Variants in PPP1R42 observed in about 807,000 individuals in gnomAD.
PPP1R42 encodes the protein leucine rich repeat containing 67.
In PPP1R42, 34 loss-of-function variants were observed where a neutral mutation model predicts 31.0. That is an observed-to-expected ratio of 1.10 (90% CI 0.83 to 1.46). The LOEUF (loss-of-function observed/expected upper bound fraction) is 1.46, where lower values mean the gene tolerates loss of function less well. Among genes scored for constraint, PPP1R42 ranks in the 40% most tolerant of loss-of-function variants. The pLI, the probability that PPP1R42 is intolerant of heterozygous loss-of-function variation, is 0.00. For synonymous variants in PPP1R42, 103 were observed against 109.8 expected, an observed-to-expected ratio of 0.94 and a Z score of 0.39; for missense variants, 268 against 303.0, an observed-to-expected ratio of 0.88 and a Z score of 0.86.
chr8:66,974,410 C>T (rs977161194), intron 7 of PPP1R42, among the ~76,000 whole-genome samples: 2 of 151,882 alleles, frequency 1.3e-5, no homozygotes, highest in African/African-American at 4.8e-5. Context: ...CAAAATTAGC[C>T]GGGTGTGGTG....
intron 6 of PPP1R42, chr8:66,985,791 C>T: frequency 8.2e-7 from 1 of 1,223,518 alleles, no homozygotes; most frequent in South Asian, 1.2e-5. Context: ...TTGCTGCGTC[C>T]ATCATCTGTT....
intron 3 of PPP1R42, among the ~76,000 whole-genome samples, chr8:67,013,428 A>G (rs998459020): frequency 1.3e-5 from 2 of 151,916 alleles, no homozygotes; most frequent in Non-Finnish European, 2.9e-5. Flanking sequence ...AAAAATGAAG[A>G]TTTCACGGCT....
chr8:67,012,133 C>T (rs61559694), intron 4 of PPP1R42, among the ~76,000 whole-genome samples: 2,396 of 151,990 alleles, frequency 0.016, 57 homozygotes, highest in African/African-American at 0.053. Context: ...CTACTTGGGA[C>T]GCTGAGGCAG....
At chr8:66,984,705 T>C in intron 6 of PPP1R42, 1 of 1,594,678 alleles carries the variant, frequency 6.3e-7, no homozygotes, top group South Asian at 1.1e-5. Context: ...GCAATTTCTG[T>C]CTTTTTGCCA....
chr8:66,979,757 T>G (rs1814775962), intron 7 of PPP1R42, among the ~76,000 whole-genome samples: 1 of 152,136 alleles, frequency 6.6e-6, no homozygotes, highest in African/African-American at 2.4e-5. Context: ...AAAATGTCAT[T>G]GGTATTTTTA....
At chr8:67,005,080 T>C (rs1448601201) in intron 5 of PPP1R42, among the ~76,000 whole-genome samples, 3 of 151,926 alleles carry the variant, frequency 2.0e-5, no homozygotes, top group Admixed American at 6.6e-5. Context: ...TTTCAGTGTT[T>C]AGTCTTTCAT....
chr8:66,988,278 A>C, intron 6 of PPP1R42, 122 bp downstream of exon 6: 1 of 1,263,392 alleles, frequency 7.9e-7, no homozygotes, highest in Non-Finnish European at 9.9e-7. Flanking sequence ...TATTGAATTT[A>C]AAGTTGACAA....
chr8:67,005,842 G>GTT (rs1269891254), intron 5 of PPP1R42, among the ~76,000 whole-genome samples: 7 of 144,706 alleles, frequency 4.8e-5, no homozygotes, highest in African/African-American at 7.6e-5. Context: ...ATAGAGAATT[G>GTT]TTTTTTTTTT....
At position 66,964,278 on chromosome 8, in the gene PPP1R42, G is replaced by C; in HGVS notation, c.*43C>G. On this transcript the variant is annotated 3_prime_UTR_variant, in exon 8 of 8. Transcript: ENST00000685739. ...TTCTTCTGGGTTATGGAAGAGGTGA[G>C]GTTCATGCACATCATTTTTTGTCAG... is the stretch of plus-strand genomic sequence containing the variant. 7.9e-7 allele frequency: 1 copy of C among 1,271,384 alleles called. No homozygotes were observed. 78.8% of individuals were successfully genotyped at this position (1,271,384 alleles called of 1,614,324 possible). A position where few individuals can be genotyped will look rare whatever the true frequency, so the allele number is the denominator to read the frequency against.
At position 67,013,063 on chromosome 8, in the gene PPP1R42, T is replaced by C; in HGVS notation, c.330A>G (p.Glu110=). Residue 110 remains glutamate, a synonymous_variant, in exon 4 of 8, where the codon GAA becomes GAG. Coordinates refer to ENST00000685739, the MANE Select transcript of PPP1R42 (RefSeq NM_001364910.1). ...TTAGTTCTCCTAATCCTTCTAAACC[T>C]TCTATGACAGCAATGTAATTGCCTC... ...YLGGNYIAVI[E]GLEGLGELRE... 6.2e-7 allele frequency: 1 copy of C among 1,605,494 alleles called. No individual in the cohort carries two copies. The highest frequency in any genetic ancestry group is 8.5e-7 in the Non-Finnish European group (1 of 1,176,798).
chr8:66,977,510 T>C (rs559558105), intron 7 of PPP1R42, among the ~76,000 whole-genome samples: 2 of 152,028 alleles, frequency 1.3e-5, no homozygotes, highest in South Asian at 4.2e-4. Flanking sequence ...GCTAATTTTC[T>C]TTCTTTCTTT....
At chr8:66,988,102 T>A (rs1205910560) in intron 6 of PPP1R42, 1 of 1,018,112 alleles carries the variant, frequency 9.8e-7, no homozygotes, top group African/African-American at 1.7e-5. Context: ...CTAACGAAAG[T>A]TTGGCAAAAG....
At chr8:67,013,372 C>A (rs1815902552) in intron 3 of PPP1R42, among the ~76,000 whole-genome samples, 1 of 151,032 alleles carries the variant, frequency 6.6e-6, no homozygotes, top group Admixed American at 6.6e-5. Context: ...ATATGAAAAG[C>A]CCGGGTAGAT....
At chr8:66,971,869 G>A (rs1043635145) in intron 7 of PPP1R42, among the ~76,000 whole-genome samples, 1 of 152,046 alleles carries the variant, frequency 6.6e-6, no homozygotes, top group African/African-American at 2.4e-5. Flanking sequence ...CCAATATAGA[G>A]CTCCAAATTT....
chr8:67,020,489 C>G (rs1376561408), intron 1 of PPP1R42, among the ~76,000 whole-genome samples: 1 of 152,212 alleles, frequency 6.6e-6, no homozygotes, highest in Admixed American at 6.5e-5. Flanking sequence ...GCGTGAGCCA[C>G]TGAGCCCGGC....
chr8:67,025,073 GACT>G (rs1816353548), intron 1 of PPP1R42, among the ~76,000 whole-genome samples: 1 of 151,642 alleles, frequency 6.6e-6, no homozygotes, highest in Non-Finnish European at 1.5e-5. Flanking sequence ...GAGCAGCTGG[GACT>G]ACAGGTGTAC....
intron 6 of PPP1R42, chr8:66,985,308 TC>T: frequency 1.2e-6 from 1 of 827,238 alleles, no homozygotes. Flanking sequence ...GGTATTGGAC[TC>T]CATGTCTTCT....
intron 6 of PPP1R42, among the ~76,000 whole-genome samples, chr8:66,987,676 G>A (rs1815064448): frequency 6.6e-6 from 1 of 152,148 alleles, no homozygotes; most frequent in Non-Finnish European, 1.5e-5. Flanking sequence ...ATAGAACTAT[G>A]AGATTTATTT....
intron 1 of PPP1R42, among the ~76,000 whole-genome samples, chr8:67,020,775 A>G (rs1013563339): frequency 1.4e-4 from 22 of 152,232 alleles, no homozygotes; most frequent in African/African-American, 5.3e-4. Flanking sequence ...CACCAGAAAT[A>G]TATCAGGACT....
Sources: gnomAD v4.1 joint callset for allele counts (sites outside exome capture counted in the v4.1 genomes callset) on GRCh38, gnomAD v4.1.1 for gene constraint, MANE v1.5 for transcripts, NCBI Gene and HGNC (gene_info 2026-07-23, HGNC 2026-07-21) for gene names.